Variants in CDK6 observed in about 807,000 individuals in gnomAD.
The protein encoded by CDK6 is cyclin dependent kinase 6.
Under a neutral mutation model 37.1 loss-of-function variants are expected in CDK6, and 6 were observed. The ratio of observed to expected loss-of-function variants is 0.16; its 90% CI spans 0.09 to 0.32. The LOEUF is 0.32. Ranked by LOEUF, CDK6 falls within the 10% of genes least tolerant of loss-of-function variation. The probability of loss-of-function intolerance (pLI) is 1.00; values close to 1 mark genes in which losing one functional copy is unlikely to be tolerated. For missense variants in CDK6, 224 were observed against 418.9 expected (o/e 0.53, Z 4.06); for synonymous variants, 160 against 161.3 (o/e 0.99, Z 0.06).
At chr7:92,662,099 G>A (rs1796852653) in intron 5 of CDK6, among the ~76,000 whole-genome samples, 1 of 152,186 alleles carries the variant, frequency 6.6e-6, no homozygotes, top group Admixed American at 6.5e-5. Context: ...AAGGGATGAT[G>A]GATGAAGTGA....
chr7:92,613,466 A>C lies in CDK6; in HGVS notation c.*1674T>G, dbSNP rs1795604773. On this transcript the variant is annotated 3_prime_UTR_variant, in exon 8 of 8. Transcript: ENST00000424848. Reference sequence around the variant, plus strand: ...CTGTGTCCTCTGGTTACTAGAGCCAACTGAGCACTAAACCACTTATAAGGC... The same window carrying C: ...CTGTGTCCTCTGGTTACTAGAGCCACCTGAGCACTAAACCACTTATAAGGC... 2 of 233,602 alleles carry C rather than the reference A, an allele frequency of 8.6e-6. No homozygotes were observed. Among genetic ancestry groups the C allele is most frequent in the African/African-American group, 4.4e-5 (2 of 45,356 alleles). 14.5% of individuals were successfully genotyped at this position (233,602 alleles called of 1,614,324 possible). A position where few individuals can be genotyped will look rare whatever the true frequency, so the allele number is the denominator to read the frequency against.
chr7:92,754,819 T>C (rs1220454755), intron 3 of CDK6, among the ~76,000 whole-genome samples: 2 of 152,094 alleles, frequency 1.3e-5, no homozygotes, highest in African/African-American at 4.8e-5. Context: ...TAAAGAAGGG[T>C]TGACAGTCAG....
chr7:92,623,961 TGTA>T (rs1795866993), intron 5 of CDK6, among the ~76,000 whole-genome samples: 1 of 152,180 alleles, frequency 6.6e-6, no homozygotes, highest in Admixed American at 6.5e-5. Flanking sequence ...CTAAAATAGT[TGTA>T]GTCTATTATC....
chr7:92,817,573 T>C (rs1801062357), intron 2 of CDK6, among the ~76,000 whole-genome samples: 1 of 151,882 alleles, frequency 6.6e-6, no homozygotes, highest in African/African-American at 2.4e-5. Context: ...AATAGTTTTC[T>C]CCTTATTATT....
intron 4 of CDK6, among the ~76,000 whole-genome samples, chr7:92,711,546 G>A (rs1235376956): frequency 7.6e-5 from 10 of 130,820 alleles, no homozygotes; most frequent in Admixed American, 6.1e-4. Context: ...TACCTGGAAT[G>A]GTCAAATTTT....
intron 3 of CDK6, among the ~76,000 whole-genome samples, chr7:92,737,735 T>C (rs1798821170): frequency 6.6e-6 from 1 of 152,176 alleles, no homozygotes. Flanking sequence ...ATGTTATCCA[T>C]TAATGCTGAA....
intron 5 of CDK6, among the ~76,000 whole-genome samples, chr7:92,645,375 G>A (rs1009741010): frequency 6.6e-5 from 10 of 152,238 alleles, no homozygotes; most frequent in Non-Finnish European, 4.4e-5. Context: ...AAGCTATTGT[G>A]TTGCCAGCAT....
At chr7:92,807,486 A>G (rs911291816) in intron 2 of CDK6, among the ~76,000 whole-genome samples, 2 of 151,744 alleles carry the variant, frequency 1.3e-5, no homozygotes, top group Non-Finnish European at 2.9e-5. Context: ...ACATAATTAT[A>G]TGTAAGTTTA....
intron 2 of CDK6, among the ~76,000 whole-genome samples, chr7:92,784,434 T>C (rs1562964479): frequency 6.6e-6 from 1 of 152,174 alleles, no homozygotes; most frequent in African/African-American, 2.4e-5. Context: ...TAAAGAACAA[T>C]TCACCAACCT....
chr7:92,746,487 A>C (rs1187850559), intron 3 of CDK6, among the ~76,000 whole-genome samples: 1 of 152,254 alleles, frequency 6.6e-6, no homozygotes, highest in Non-Finnish European at 1.5e-5. Flanking sequence ...ACAGAAGTAT[A>C]AATATTGTAT....
chr7:92,802,000 C>CT (rs1554416290), intron 2 of CDK6, among the ~76,000 whole-genome samples: 1 of 140,456 alleles, frequency 7.1e-6, no homozygotes. Flanking sequence ...CTTCCCCTCC[C>CT]TCCCTCCCTT....
intron 2 of CDK6, among the ~76,000 whole-genome samples, chr7:92,789,626 C>T (rs868104090): frequency 9.2e-5 from 14 of 152,032 alleles, no homozygotes; most frequent in South Asian, 2.1e-4. Context: ...TCTGGGGTAA[C>T]CATTAAAAAA....
Position 92,609,082 on chromosome 7 carries a change from CTAGTG to C in CDK6, c.*6053_*6057del, listed in dbSNP as rs1436903101. On this transcript the variant is annotated 3_prime_UTR_variant, in exon 8 of 8. Coordinates refer to ENST00000424848, the MANE Select transcript of CDK6 (RefSeq NM_001145306.2). ...TTTCTCAGCCAGTTTCTGACTGCCCCTAGTGTATGTGGCATTTTGGTTCAGTATGA... is the reference window on the plus strand; with the variant it reads ...TTTCTCAGCCAGTTTCTGACTGCCCCTATGTGGCATTTTGGTTCAGTATGA... 4.3e-6 allele frequency: 1 copy of C among 233,070 alleles called. No homozygotes were observed. The highest frequency in any genetic ancestry group is 8.5e-6 in the Non-Finnish European group (1 of 118,054). 14.4% of individuals were successfully genotyped at this position (233,070 alleles called of 1,614,324 possible).
intron 4 of CDK6, among the ~76,000 whole-genome samples, chr7:92,710,061 G>A (rs1314979092): frequency 6.6e-6 from 1 of 152,208 alleles, no homozygotes; most frequent in East Asian, 1.9e-4. Flanking sequence ...TACCTATACA[G>A]TGGCCCTGCT....
intron 3 of CDK6, among the ~76,000 whole-genome samples, chr7:92,751,707 AG>A (rs1333137920): frequency 1.2e-4 from 18 of 152,204 alleles, no homozygotes; most frequent in Non-Finnish European, 2.9e-5. Context: ...AAATAATTTT[AG>A]GGATGTTAAG....
At chr7:92,783,633 T>C (rs1800051997) in intron 2 of CDK6, among the ~76,000 whole-genome samples, 1 of 152,236 alleles carries the variant, frequency 6.6e-6, no homozygotes, top group Non-Finnish European at 1.5e-5. Flanking sequence ...TAATATCTTC[T>C]GAATCTGTTA....
intron 5 of CDK6, among the ~76,000 whole-genome samples, chr7:92,664,622 G>C (rs1398703060): frequency 6.6e-6 from 1 of 152,126 alleles, no homozygotes; most frequent in Non-Finnish European, 1.5e-5. Flanking sequence ...AGGAAGCCTT[G>C]TTTGTTTCCT....
At chr7:92,808,918 G>GACTTTTGCT (rs1800796397) in intron 2 of CDK6, among the ~76,000 whole-genome samples, 1 of 152,128 alleles carries the variant, frequency 6.6e-6, no homozygotes, top group Admixed American at 6.6e-5. Flanking sequence ...TATGTTTTCT[G>GACTTTTGCT]TAGGAATTTT....
In CDK6 at chr7:92,615,276, G is replaced by A. The variant is rs775142357; in HGVS notation, c.845C>T (p.Thr282Ile). ...LGKDLLLKCL[T>I]FNPAKRISAY... The stretch of plus-strand genomic sequence containing the variant: ...AGATATTCTTTTGGCTGGGTTAAAT[G>A]TCAAACACTTCTGTAATAAAGAAAA... The change falls in exon 8 of 8, where the codon ACA becomes ATA. Residue 282 changes from threonine to isoleucine, a missense_variant. Physicochemically the swap from Thr to Ile is moderately conservative, Grantham distance 89. Transcript: ENST00000424848. 6.2e-7 allele frequency: 1 copy of A among 1,613,238 alleles called. No homozygotes were observed. Among genetic ancestry groups the A allele is most frequent in the South Asian group, 1.1e-5 (1 of 91,056 alleles).
Sources: allele counts gnomAD v4.1 joint callset (sites outside exome capture counted in the v4.1 genomes callset), GRCh38; gene constraint gnomAD v4.1.1; transcripts MANE v1.5; gene names NCBI Gene and HGNC (gene_info 2026-07-23, HGNC 2026-07-21).